DST: variants seen among roughly 807,000 people sequenced by gnomAD.
DST encodes dystonin.
A neutral mutation model predicts 875.2 loss-of-function variants in DST; 253 were observed. The ratio of observed to expected loss-of-function variants is 0.29; its 90% CI spans 0.26 to 0.32. The LOEUF is 0.32. DST is among the 10% of genes least tolerant of loss of function. The pLI is 1.00. For synonymous variants in DST, 3,124 were observed against 3,197.1 expected, an observed-to-expected ratio of 0.98 and a Z score of 0.77; for missense variants, 8,287 against 9,111.6, an observed-to-expected ratio of 0.91 and a Z score of 3.68.
At chr6:56,770,670 A>G (rs2099654167) in intron 4 of DST, among the ~76,000 whole-genome samples, 1 of 152,162 alleles carries the variant, frequency 6.6e-6, no homozygotes. Context: ...CACCTGTAAA[A>G]TGGGACTCTT....
intron 12 of DST, among the ~76,000 whole-genome samples, chr6:56,649,215 T>TA (rs1327993618): frequency 7.2e-5 from 11 of 152,154 alleles, no homozygotes; most frequent in Non-Finnish European, 1.2e-4. Flanking sequence ...GCAAACTCTT[T>TA]AAAAATGGAG....
intron 4 of DST, among the ~76,000 whole-genome samples, chr6:56,746,259 T>TA (rs1194318575): frequency 6.6e-6 from 1 of 152,200 alleles, no homozygotes; most frequent in Non-Finnish European, 1.5e-5. Context: ...GTGCTGGAAT[T>TA]AGAGGTATGA....
chr6:56,480,503 T>C (rs1252855734), intron 90 of DST, among the ~76,000 whole-genome samples: 1 of 152,200 alleles, frequency 6.6e-6, no homozygotes, highest in African/African-American at 2.4e-5. Flanking sequence ...TGGGAAAGCT[T>C]GCCATTTTTA....
intron 5 of DST, among the ~76,000 whole-genome samples, chr6:56,727,399 C>T (rs1307436246): frequency 2.6e-5 from 4 of 152,210 alleles, no homozygotes; most frequent in African/African-American, 9.7e-5. Context: ...GAAAAACAAA[C>T]ATTCTAAATT....
intron 4 of DST, among the ~76,000 whole-genome samples, chr6:56,845,476 C>T (rs1016601503): frequency 1.3e-5 from 2 of 152,160 alleles, no homozygotes; most frequent in African/African-American, 2.4e-5. Context: ...TTTTTTCTAT[C>T]CTGACCACTG....
At chr6:56,851,963 C>T in intron 3 of DST, 3 of 1,483,382 alleles carry the variant, frequency 2.0e-6, no homozygotes, top group South Asian at 2.8e-5. Context: ...TAGTATTTGG[C>T]TCCCCCACCA....
At chr6:56,621,100 C>T (rs995875869) in intron 36 of DST, among the ~76,000 whole-genome samples, 9 of 152,174 alleles carry the variant, frequency 5.9e-5, no homozygotes, top group African/African-American at 1.7e-4. Context: ...ACTCTCACGA[C>T]GGTGCCCTTT....
Position 56,593,715 on chromosome 6 carries a change from A to T in DST, c.12674T>A (p.Val4225Glu). The T allele has an allele frequency of 6.2e-7, 1 of 1,613,142 alleles. No individual in the cohort carries two copies. The highest frequency in any genetic ancestry group is 8.5e-7 in the Non-Finnish European group (1 of 1,179,354). ...AGTAGCATGATCCAACTTGCGCTGC[A>T]CTTCTCTGTGGGTTGCAGAAGTATC... ...KVDTSATHRE[V>E]QRKLDHATDR... Residue 4225 changes from valine to glutamate, a missense_variant, in exon 48 of 104, where the codon GTG becomes GAG. By Grantham distance (121) the Val-to-Glu change is moderately radical. Coordinates refer to ENST00000680361, the MANE Select transcript of DST (RefSeq NM_001374736.1).
At chr6:56,761,067 C>T (rs1048428202) in intron 4 of DST, among the ~76,000 whole-genome samples, 1 of 152,236 alleles carries the variant, frequency 6.6e-6, no homozygotes, top group African/African-American at 2.4e-5. Flanking sequence ...TTGATTTCTA[C>T]ATCACTTACC....
intron 69 of DST, among the ~76,000 whole-genome samples, chr6:56,525,910 C>G (rs1172174756): frequency 6.6e-6 from 1 of 152,164 alleles, no homozygotes; most frequent in Admixed American, 6.5e-5. Context: ...ACATTACCAA[C>G]AAAACTGCTT....
Position 56,471,087 on chromosome 6 carries a change from C to A in DST, c.22321+19G>T, listed in dbSNP as rs760851694. 2 of 1,605,532 alleles carry A rather than the reference C, an allele frequency of 1.2e-6. No individual in the cohort carries two copies. The highest frequency in any genetic ancestry group is 2.2e-5 in the South Asian group (2 of 89,148). The stretch of plus-strand genomic sequence containing the variant: ...CTTTAAAAATTGTATCAGTCATAGT[C>A]ATCTGTCTTGGAACTTACTTGAGGA... On this transcript the variant is annotated intron_variant, in intron 95 of 103. Coordinates refer to ENST00000680361, the MANE Select transcript of DST (RefSeq NM_001374736.1).
intron 39 of DST, among the ~76,000 whole-genome samples, chr6:56,610,040 T>C (rs1182545412): frequency 2.6e-5 from 4 of 152,176 alleles, no homozygotes; most frequent in East Asian, 1.9e-4. Flanking sequence ...ATAAGTCTCA[T>C]GGATATCTCT....
At chr6:56,495,684 C>T (rs2152447603) in intron 82 of DST, among the ~76,000 whole-genome samples, 2 of 152,000 alleles carry the variant, frequency 1.3e-5, no homozygotes, top group East Asian at 3.9e-4. Flanking sequence ...ATTACTTTTC[C>T]AGTGAAACAA....
chr6:56,646,322 C>T (rs1177811724), intron 13 of DST, 140 bp from the exon 14 acceptor site: 2 of 497,608 alleles, frequency 4.0e-6, no homozygotes, highest in Non-Finnish European at 6.9e-6. Flanking sequence ...CACTCAAAGA[C>T]AATACCAATT....
intron 9 of DST, among the ~76,000 whole-genome samples, chr6:56,682,858 G>C (rs139831572): frequency 6.6e-6 from 1 of 152,264 alleles, no homozygotes; most frequent in East Asian, 1.9e-4. Flanking sequence ...ATAAATATGA[G>C]AGACCAAGCA....
At chr6:56,943,375 T>C (rs1253599888) in intron 2 of DST, among the ~76,000 whole-genome samples, 3 of 146,124 alleles carry the variant, frequency 2.1e-5, no homozygotes, top group African/African-American at 5.0e-5. Context: ...GAAAGTCCTT[T>C]AAATTAAAAA....
intron 2 of DST, among the ~76,000 whole-genome samples, chr6:56,919,463 A>G (rs950350093): frequency 6.6e-6 from 1 of 152,190 alleles, no homozygotes; most frequent in African/African-American, 2.4e-5. Context: ...CCTTTCTCCA[A>G]TGAATTTATT....
intron 9 of DST, among the ~76,000 whole-genome samples, chr6:56,685,804 G>A (rs1563672906): frequency 6.6e-6 from 1 of 152,068 alleles, no homozygotes; most frequent in East Asian, 1.9e-4. Context: ...ACAGGTTGGT[G>A]CGGTTGCAGA....
At chr6:56,507,874 C>A (rs762046518) in intron 75 of DST, among the ~76,000 whole-genome samples, 5 of 151,992 alleles carry the variant, frequency 3.3e-5, no homozygotes, top group Admixed American at 6.6e-5. Context: ...AAGAGCAGAT[C>A]TAGAGAGAAG....
Sources: gnomAD v4.1 joint callset for allele counts (sites outside exome capture counted in the v4.1 genomes callset) on GRCh38, gnomAD v4.1.1 for gene constraint, MANE v1.5 for transcripts, NCBI Gene and HGNC (gene_info 2026-07-23, HGNC 2026-07-21) for gene names.